DCDC1: variants seen among roughly 807,000 people sequenced by gnomAD.
DCDC1 encodes doublecortin domain containing 1, also known as doublecortin domain-containing protein 1.
Under a neutral mutation model 178.3 loss-of-function variants are expected in DCDC1, and 200 were observed. The observed-to-expected ratio is 1.12, with a 90% CI of 1.00 to 1.26. The LOEUF (loss-of-function observed/expected upper bound fraction) is 1.26. Ranked by LOEUF, DCDC1 falls within the 50% of genes most tolerant of loss-of-function variation. DCDC1 has a pLI of 0.00. For missense variants in DCDC1, 1,983 were observed against 1,749.2 expected (o/e 1.13, Z -2.38); for synonymous variants, 690 against 604.8 (o/e 1.14, Z -2.07).
At chr11:31,255,048 C>T (rs963352151) in intron 8 of DCDC1, among the ~76,000 whole-genome samples, 22 of 152,052 alleles carry the variant, frequency 1.4e-4, no homozygotes, top group Non-Finnish European at 2.8e-4. Context: ...AATATGTTAC[C>T]TTTTATGTCT....
chr11:31,266,305 CCTTTG>C (rs1251127453), intron 7 of DCDC1, among the ~76,000 whole-genome samples: 1 of 151,992 alleles, frequency 6.6e-6, no homozygotes, highest in African/African-American at 2.4e-5. Flanking sequence ...TACATGCAAC[CCTTTG>C]AAACCAATGT....
At chr11:31,008,490 T>A (rs1044408710) in intron 20 of DCDC1, among the ~76,000 whole-genome samples, 1 of 152,192 alleles carries the variant, frequency 6.6e-6, no homozygotes, top group Non-Finnish European at 1.5e-5. Context: ...CCTGTCGCAA[T>A]GCTGAGCCCA....
In DCDC1 at chr11:30,920,866, A is replaced by C; in HGVS notation, c.3203T>G (p.Ile1068Ser). The change falls in exon 25 of 39, where the codon ATT (isoleucine) becomes AGT (serine). Residue 1068 changes from isoleucine to serine, a missense_variant. Ile to Ser is a moderately radical substitution (Grantham distance 142, BLOSUM62 -2). Coordinates refer to ENST00000684477, the MANE Select transcript of DCDC1 (RefSeq NM_001387274.1). ...TGTAACTTGCTTCTCTTCTCCAAAA[A>C]TTGCTACAGGTTTATGCACAGCAAG... ...SKLAVHKPVA[I>S]FGEEKQVTEP... The C allele has an allele frequency of 6.2e-7, 1 of 1,613,560 alleles. No homozygotes were observed. Among genetic ancestry groups the C allele is most frequent in the East Asian group, 2.2e-5 (1 of 44,862 alleles).
At chr11:30,923,940 G>A (rs530056508) in intron 23 of DCDC1, among the ~76,000 whole-genome samples, 2 of 151,912 alleles carry the variant, frequency 1.3e-5, no homozygotes, top group East Asian at 1.9e-4. Flanking sequence ...TTTGAACAAC[G>A]GATTTCTTTT....
chr11:31,016,554 G>A (rs763147700), intron 20 of DCDC1, among the ~76,000 whole-genome samples: 4 of 152,118 alleles, frequency 2.6e-5, no homozygotes, highest in Non-Finnish European at 4.4e-5. Context: ...CTTGGGTTGC[G>A]GTGGGTGGCA....
At chr11:31,287,906 G>A (rs1013782868) in intron 7 of DCDC1, among the ~76,000 whole-genome samples, 6 of 136,016 alleles carry the variant, frequency 4.4e-5, no homozygotes, top group Non-Finnish European at 8.1e-5. Flanking sequence ...AGAGGACAGC[G>A]TTTTTTTTTT....
At chr11:31,077,192 T>C (rs1435101924) in intron 18 of DCDC1, among the ~76,000 whole-genome samples, 1 of 152,160 alleles carries the variant, frequency 6.6e-6, no homozygotes, top group Non-Finnish European at 1.5e-5. Flanking sequence ...TAAAGCCCAT[T>C]CTGTTGAAGT....
chr11:31,200,985 CT>C (rs1390162288), intron 9 of DCDC1, among the ~76,000 whole-genome samples: 2 of 151,716 alleles, frequency 1.3e-5, no homozygotes, highest in Non-Finnish European at 2.9e-5. Context: ...CCCAAATCTT[CT>C]CTAATTGGCT....
chr11:31,215,079 C>T (rs1158349517), intron 9 of DCDC1: 1 of 187,720 alleles, frequency 5.3e-6, no homozygotes, highest in South Asian at 9.0e-5. Context: ...GTGAGAAGTC[C>T]CACATTTTAA....
intron 9 of DCDC1, among the ~76,000 whole-genome samples, chr11:31,193,938 C>T (rs1287808772): frequency 6.6e-6 from 1 of 152,080 alleles, no homozygotes; most frequent in Non-Finnish European, 1.5e-5. Context: ...AAGTCAATGG[C>T]TGCTGACAGT....
chr11:31,075,146 GT>G (rs1956791045), intron 18 of DCDC1, among the ~76,000 whole-genome samples: 1 of 152,044 alleles, frequency 6.6e-6, no homozygotes, highest in African/African-American at 2.4e-5. Context: ...GAACATATGG[GT>G]TTTGTCTTTC....
intron 20 of DCDC1, among the ~76,000 whole-genome samples, chr11:31,026,661 G>A (rs934502987): frequency 1.3e-5 from 2 of 151,598 alleles, no homozygotes; most frequent in African/African-American, 2.4e-5. Context: ...ACTTTGATGC[G>A]CTTTTTATTA....
At chr11:31,133,796 C>T (rs534779982) in intron 10 of DCDC1, among the ~76,000 whole-genome samples, 8 of 152,230 alleles carry the variant, frequency 5.3e-5, no homozygotes, top group Admixed American at 2.6e-4. Context: ...TTCCACCTCC[C>T]GGGTTCAAGT....
chr11:31,163,179 A>G (rs1418618004), intron 9 of DCDC1, among the ~76,000 whole-genome samples: 1 of 152,234 alleles, frequency 6.6e-6, no homozygotes, highest in Non-Finnish European at 1.5e-5. Context: ...CTGGGTGCAC[A>G]GTTCAGGAAC....
chr11:31,127,759 C>A, intron 10 of DCDC1, 120 bp from the exon 11 acceptor site: 1 of 588,622 alleles, frequency 1.7e-6, no homozygotes, highest in Admixed American at 3.1e-5. Flanking sequence ...AATTTGAGTA[C>A]AGATCTATCC....
chr11:31,210,162 C>G (rs1461258116), intron 9 of DCDC1, among the ~76,000 whole-genome samples: 18 of 152,152 alleles, frequency 1.2e-4, no homozygotes, highest in Admixed American at 1.2e-3. Flanking sequence ...CTCAGGCTGC[C>G]AGAGCTTTCT....
intron 9 of DCDC1, among the ~76,000 whole-genome samples, chr11:31,189,679 C>A (rs1969915285): frequency 6.6e-6 from 1 of 152,188 alleles, no homozygotes; most frequent in Non-Finnish European, 1.5e-5. Context: ...TCACTTCAAC[C>A]TTTGCTTCTG....
At chr11:30,997,177 G>C (rs1299424539) in intron 20 of DCDC1, among the ~76,000 whole-genome samples, 1 of 152,202 alleles carries the variant, frequency 6.6e-6, no homozygotes, top group Non-Finnish European at 1.5e-5. Flanking sequence ...CCAGAGACAG[G>C]GGTAGAGGAT....
chr11:31,203,963 A>C (rs560664878), intron 9 of DCDC1, among the ~76,000 whole-genome samples: 9 of 152,382 alleles, frequency 5.9e-5, no homozygotes, highest in African/African-American at 2.2e-4. Context: ...TACAAGGACC[A>C]ATAGTAATAT....
Sources: gnomAD v4.1 joint callset for allele counts (sites outside exome capture counted in the v4.1 genomes callset) on GRCh38, gnomAD v4.1.1 for gene constraint, MANE v1.5 for transcripts, NCBI Gene and HGNC (gene_info 2026-07-23, HGNC 2026-07-21) for gene names.